The following COL11A1 variants were observed in gnomAD, a reference collection of about 807,000 sequenced individuals.
COL11A1 encodes collagen alpha-1(XI) chain.
In COL11A1, 74 loss-of-function variants were observed where a neutral mutation model predicts 265.2. The ratio of observed to expected loss-of-function variants is 0.28; its 90% CI spans 0.23 to 0.34. The LOEUF (loss-of-function observed/expected upper bound fraction) is 0.34. Ranked by LOEUF, COL11A1 falls within the 10% of genes least tolerant of loss-of-function variation. COL11A1 has a pLI of 1.00. For synonymous variants in COL11A1, 816 were observed against 727.6 expected (o/e 1.12, Z -1.96); for missense variants, 2,165 against 2,263.6 (o/e 0.96, Z 0.88).
intron 24 of COL11A1, among the ~76,000 whole-genome samples, chr1:103,000,441 C>A (rs1214668003): frequency 6.6e-6 from 1 of 151,678 alleles, no homozygotes; most frequent in Admixed American, 6.6e-5. Flanking sequence ...AGAATATTAA[C>A]CAAAAGAGTT....
At position 103,032,944 on chromosome 1, in the gene COL11A1, A is replaced by G; in HGVS notation, c.652-1700T>C. Among the ~76,000 whole-genome samples, 2 of 152,138 alleles carry G rather than the reference A, an allele frequency of 1.3e-5. 1 individual carries two copies. The highest frequency in any genetic ancestry group is 2.9e-5 in the Non-Finnish European group (2 of 67,992). ...ACAATACAGTGGGCTTAGTACAGCC[A>G]CAGCCTTGTCCAACCATCACTACTA... On this transcript the variant is annotated intron_variant, in intron 4 of 66. Transcript: ENST00000370096.
chr1:103,101,141 G>A (rs1360078058), intron 1 of COL11A1, among the ~76,000 whole-genome samples: 1 of 151,870 alleles, frequency 6.6e-6, no homozygotes, highest in African/African-American at 2.4e-5. Context: ...ACAGGCAAGA[G>A]GTTTAACATC....
In COL11A1 at chr1:103,108,128, G is replaced by T; in HGVS notation, c.51C>A (p.Phe17Leu). 6.2e-7 allele frequency: 1 copy of T among 1,613,732 alleles called. No individual in the cohort carries two copies. Among genetic ancestry groups the T allele is most frequent in the Non-Finnish European group, 8.5e-7 (1 of 1,179,968 alleles). Residue 17 changes from phenylalanine to leucine, a missense_variant, in exon 1 of 67, where the codon TTC becomes TTA. Transcript: ENST00000370096. Reference protein sequence around the residue: ...RWKTKRWLWDFTVTTLALTFL... With the variant: ...RWKTKRWLWDLTVTTLALTFL... ...AGGTCAATGCGAGGGTTGTTACGGTGAAATCCCAGAGCCACCGTTTCGTTT... is the reference window on the plus strand; with the variant it reads ...AGGTCAATGCGAGGGTTGTTACGGTTAAATCCCAGAGCCACCGTTTCGTTT...
At chr1:103,021,519 ATGTTT>A (rs1667075680) in intron 9 of COL11A1, among the ~76,000 whole-genome samples, 183 bp downstream of exon 9, 1 of 152,138 alleles carries the variant, frequency 6.6e-6, no homozygotes, top group Admixed American at 6.5e-5. Flanking sequence ...CAGCTCTATA[ATGTTT>A]TGTTTTATTG....
intron 8 of COL11A1, among the ~76,000 whole-genome samples, chr1:103,022,516 A>C (rs1334675946): frequency 1.3e-5 from 2 of 152,210 alleles, no homozygotes; most frequent in African/African-American, 4.8e-5. Context: ...ATTCTATTCA[A>C]GATTTTACTT....
chr1:103,024,074 G>T (rs1056279486), intron 7 of COL11A1, among the ~76,000 whole-genome samples: 7 of 152,038 alleles, frequency 4.6e-5, no homozygotes, highest in African/African-American at 7.2e-5. Context: ...CTTATCATGT[G>T]AATATTTGGT....
chr1:103,019,752 C>A (rs977390288), intron 9 of COL11A1, among the ~76,000 whole-genome samples: 11 of 120,610 alleles, frequency 9.1e-5, no homozygotes, highest in African/African-American at 3.5e-4. Flanking sequence ...CCCCACCCCA[C>A]AACAGTCCCC....
intron 1 of COL11A1, among the ~76,000 whole-genome samples, chr1:103,107,210 A>G (rs1034527068): frequency 4.6e-5 from 7 of 151,978 alleles, no homozygotes; most frequent in Non-Finnish European, 8.8e-5. Flanking sequence ...AGGTCTGGCC[A>G]TTGAATATTT....
At chr1:103,017,175 A>C (rs1244690459) in intron 11 of COL11A1, among the ~76,000 whole-genome samples, 1 of 152,230 alleles carries the variant, frequency 6.6e-6, no homozygotes, top group Non-Finnish European at 1.5e-5. Flanking sequence ...CTCTGACCTT[A>C]AATAGCTGTT....
chr1:102,883,403 G>T, intron 63 of COL11A1, 92 bp from the exon 64 acceptor site: 1 of 826,964 alleles, frequency 1.2e-6, no homozygotes, highest in Non-Finnish European at 2.1e-6. Flanking sequence ...AGAGAAATAA[G>T]GAAAATACAT....
chr1:102,914,678 C>T (rs748621290), intron 51 of COL11A1, 26 bp downstream of exon 51: 2 of 1,554,696 alleles, frequency 1.3e-6, no homozygotes, highest in African/African-American at 1.4e-5. Flanking sequence ...ATAAATGCCA[C>T]ATTAGAGGGG....
chr1:102,965,632 G>T, intron 37 of COL11A1, 92 bp from the exon 38 acceptor site: 1 of 967,146 alleles, frequency 1.0e-6, no homozygotes, highest in Non-Finnish European at 1.6e-6. Context: ...CACATTAAAA[G>T]AAAGTCACCT....
In COL11A1 at chr1:103,107,616, G is replaced by T. The variant is rs962269599; in HGVS notation, c.106+457C>A. On this transcript the variant is annotated intron_variant, in intron 1 of 66. Transcript: ENST00000370096. ...GTTGCAGACAAAGAACTTTATCAAGGTTCATTTTATACCCTTTATATTTTC... is the reference window on the plus strand; with the variant it reads ...GTTGCAGACAAAGAACTTTATCAAGTTTCATTTTATACCCTTTATATTTTC... 4.6e-5 allele frequency among the ~76,000 whole-genome samples: 7 copies of T among 151,166 alleles called. No homozygotes were observed. In the East Asian group the frequency reaches 5.9e-4, roughly 13 times the overall value.
intron 46 of COL11A1, among the ~76,000 whole-genome samples, chr1:102,929,806 A>C (rs1038630052): frequency 1.1e-4 from 17 of 152,096 alleles, no homozygotes; most frequent in African/African-American, 3.9e-4. Flanking sequence ...GAGGACCTTC[A>C]CATCCTTGTA....
intron 36 of COL11A1, among the ~76,000 whole-genome samples, chr1:102,973,369 T>C (rs1662155879): frequency 6.6e-6 from 1 of 151,942 alleles, no homozygotes; most frequent in Admixed American, 6.6e-5. Flanking sequence ...CATAACACAA[T>C]GGGCTGAAAA....
chr1:103,072,977 A>T (rs940177087), intron 4 of COL11A1, among the ~76,000 whole-genome samples: 14 of 151,914 alleles, frequency 9.2e-5, no homozygotes, highest in African/African-American at 3.4e-4. Flanking sequence ...ATTCATTAAC[A>T]TTTTAAAAAC....
chr1:103,102,076 A>G (rs1026768745), intron 1 of COL11A1, among the ~76,000 whole-genome samples: 1 of 152,064 alleles, frequency 6.6e-6, no homozygotes. Flanking sequence ...ATTGTCTTTC[A>G]TCTTTGCTAC....
chr1:102,917,279 G>A (rs1655447605), intron 49 of COL11A1, among the ~76,000 whole-genome samples: 1 of 151,916 alleles, frequency 6.6e-6, no homozygotes, highest in Non-Finnish European at 1.5e-5. Context: ...AATCTGATTT[G>A]CCTTAAGCAG....
intron 44 of COL11A1, among the ~76,000 whole-genome samples, chr1:102,936,288 G>C (rs1298529372): frequency 6.6e-6 from 1 of 150,414 alleles, no homozygotes; most frequent in Non-Finnish European, 1.5e-5. Flanking sequence ...TTGAAATGCT[G>C]GCTGAACTTT....
Sources: gnomAD v4.1 joint callset for allele counts (sites outside exome capture counted in the v4.1 genomes callset) on GRCh38, gnomAD v4.1.1 for gene constraint, MANE v1.5 for transcripts, NCBI Gene and HGNC (gene_info 2026-07-23, HGNC 2026-07-21) for gene names.